Variants in ARHGAP10 observed in about 807,000 individuals in gnomAD.
The protein encoded by ARHGAP10 is rho GTPase-activating protein 10.
Under a neutral mutation model 108.6 loss-of-function variants are expected in ARHGAP10, and 87 were observed. The observed-to-expected ratio is 0.80, with a 90% CI of 0.67 to 0.96. The LOEUF (loss-of-function observed/expected upper bound fraction) is 0.96, where lower values mean the gene tolerates loss of function less well. ARHGAP10 is among the 40% of genes least tolerant of loss of function. The probability of loss-of-function intolerance (pLI) is 0.00; values close to 1 mark genes in which losing one functional copy is unlikely to be tolerated. For missense variants in ARHGAP10, 939 were observed against 954.5 expected (o/e 0.98, Z 0.21); for synonymous variants, 347 against 341.1 (o/e 1.02, Z -0.19).
intron 18 of ARHGAP10, among the ~76,000 whole-genome samples, chr4:147,986,124 CAT>C (rs1740036864): frequency 6.6e-6 from 1 of 152,186 alleles, no homozygotes; most frequent in Admixed American, 6.5e-5. Context: ...GAAAAAAGGT[CAT>C]GTGACTTTTG....
chr4:147,941,333 T>C (rs1202630669), intron 14 of ARHGAP10, among the ~76,000 whole-genome samples: 1 of 152,198 alleles, frequency 6.6e-6, no homozygotes, highest in Non-Finnish European at 1.5e-5. Context: ...CAAAATTTGT[T>C]GGTCATCTCA....
chr4:148,000,132 G>A (rs1740644221), intron 18 of ARHGAP10, among the ~76,000 whole-genome samples: 1 of 151,628 alleles, frequency 6.6e-6, no homozygotes, highest in Non-Finnish European at 1.5e-5. Flanking sequence ...GTGTCCAAGT[G>A]TTCTCATTGT....
At chr4:148,062,869 C>T (rs1268940997) in intron 20 of ARHGAP10, among the ~76,000 whole-genome samples, 5 of 152,142 alleles carry the variant, frequency 3.3e-5, no homozygotes, top group African/African-American at 4.8e-5. Flanking sequence ...TTCTGGTTTT[C>T]TAATTAGTGA....
At chr4:147,858,690 TCTC>T (rs1734196462) in intron 5 of ARHGAP10, among the ~76,000 whole-genome samples, 1 of 152,186 alleles carries the variant, frequency 6.6e-6, no homozygotes, top group South Asian at 2.1e-4. Flanking sequence ...TGCTCCCTCA[TCTC>T]CTGCCCTCTG....
chr4:148,047,125 C>G (rs1197817982), intron 20 of ARHGAP10, 74 bp downstream of exon 20: 6 of 1,550,516 alleles, frequency 3.9e-6, no homozygotes, highest in African/African-American at 2.7e-5. Flanking sequence ...TTTCCATGAG[C>G]AGTGACCTGT....
chr4:147,887,209 C>T (rs896072397), intron 10 of ARHGAP10, among the ~76,000 whole-genome samples: 4 of 152,110 alleles, frequency 2.6e-5, no homozygotes, highest in African/African-American at 9.7e-5. Context: ...GTTTCCCGCT[C>T]TAGACACCCA....
At position 148,051,921 on chromosome 4, in the gene ARHGAP10, T is replaced by C. The variant is rs576251845; in HGVS notation, c.2027+4870T>C. On this transcript the variant is annotated intron_variant, in intron 20 of 22. Transcript: ENST00000336498. ...ACTTGTTTCCTTTAAATTGGGCAAA[T>C]GAATGGGGGGTTTCTCAGAGACAGC... 5.9e-5 allele frequency among the ~76,000 whole-genome samples: 9 copies of C among 152,296 alleles called. No homozygotes were observed. The South Asian group carries it at 6.2e-4, about 11-fold the overall frequency.
chr4:148,070,999 A>T, intron 22 of ARHGAP10, among the ~76,000 whole-genome samples: 1 of 152,320 alleles, frequency 6.6e-6, no homozygotes, highest in East Asian at 1.9e-4. Flanking sequence ...TGAACAGTCC[A>T]TTGTGCCAGG....
At chr4:147,798,724 ACTCTCT>A (rs1178256407) in intron 1 of ARHGAP10, among the ~76,000 whole-genome samples, 50 of 85,934 alleles carry the variant, frequency 5.8e-4, no homozygotes, top group African/African-American at 1.5e-3. Context: ...AGTTTGAGAC[ACTCTCT>A]CTCTCTCTCT....
intron 19 of ARHGAP10, among the ~76,000 whole-genome samples, chr4:148,036,495 C>T (rs1023969629): frequency 1.3e-5 from 2 of 152,188 alleles, no homozygotes; most frequent in African/African-American, 4.8e-5. Flanking sequence ...CTCACGAGAT[C>T]TGATGGTTTT....
intron 8 of ARHGAP10, among the ~76,000 whole-genome samples, chr4:147,876,217 A>T (rs1735051985): frequency 6.6e-6 from 1 of 152,150 alleles, no homozygotes; most frequent in Admixed American, 6.6e-5. Flanking sequence ...CAGTTGTATG[A>T]TATGGCAGAA....
intron 3 of ARHGAP10, among the ~76,000 whole-genome samples, chr4:147,839,677 T>C (rs1301179056): frequency 6.6e-6 from 1 of 152,196 alleles, no homozygotes; most frequent in African/African-American, 2.4e-5. Context: ...ATTTCCAGTG[T>C]GGGGGAATGT....
intron 18 of ARHGAP10, among the ~76,000 whole-genome samples, chr4:147,972,994 A>G (rs74507810): frequency 6.6e-6 from 1 of 151,904 alleles, no homozygotes; most frequent in Non-Finnish European, 1.5e-5. Flanking sequence ...ATCTCAAGTG[A>G]TCCACCGGCC....
At chr4:148,000,723 G>T (rs181774809) in intron 18 of ARHGAP10, among the ~76,000 whole-genome samples, 34 of 152,238 alleles carry the variant, frequency 2.2e-4, no homozygotes, top group Non-Finnish European at 4.0e-4. Flanking sequence ...CATAAATGTC[G>T]TCTTTTGAGA....
intron 19 of ARHGAP10, among the ~76,000 whole-genome samples, chr4:148,035,812 C>T (rs1322662888): frequency 1.3e-5 from 2 of 152,110 alleles, no homozygotes; most frequent in African/African-American, 4.8e-5. Flanking sequence ...CTCCCTTTTT[C>T]CCCCTAATGT....
chr4:147,828,526 T>C lies in ARHGAP10; in HGVS notation c.312+5569T>C, dbSNP rs141934508. Among the ~76,000 whole-genome samples, 10 of 152,348 alleles carry C rather than the reference T, an allele frequency of 6.6e-5. No homozygotes were observed. The East Asian group carries it at 1.9e-3, about 29-fold the overall frequency. The stretch of plus-strand genomic sequence containing the variant: ...TGATTCATCCATTGGAGGAGATGGC[T>C]GAAAGAAGGCATGTAATTTCCAACA... On this transcript the variant is annotated intron_variant, in intron 3 of 22. Coordinates refer to ENST00000336498, the MANE Select transcript of ARHGAP10 (RefSeq NM_024605.4).
intron 16 of ARHGAP10, among the ~76,000 whole-genome samples, chr4:147,959,474 C>T (rs1364780860): frequency 2.0e-5 from 3 of 152,016 alleles, no homozygotes; most frequent in East Asian, 1.9e-4. Flanking sequence ...TCCATTAACT[C>T]GTCATTTACA....
intron 10 of ARHGAP10, among the ~76,000 whole-genome samples, chr4:147,893,194 G>A (rs1735855246): frequency 6.6e-6 from 1 of 151,962 alleles, no homozygotes; most frequent in Admixed American, 6.6e-5. Flanking sequence ...GAGTAGCTGG[G>A]ATTACAGGTG....
intron 1 of ARHGAP10, among the ~76,000 whole-genome samples, chr4:147,809,672 T>C (rs932612712): frequency 2.0e-5 from 3 of 152,160 alleles, no homozygotes; most frequent in Non-Finnish European, 4.4e-5. Flanking sequence ...CCCCAACCTT[T>C]TCGGCACCAG....
Sources: allele counts gnomAD v4.1 joint callset (sites outside exome capture counted in the v4.1 genomes callset), GRCh38; gene constraint gnomAD v4.1.1; transcripts MANE v1.5; gene names NCBI Gene and HGNC (gene_info 2026-07-23, HGNC 2026-07-21).